Variants in NBEAL1 observed in about 807,000 individuals in gnomAD.
NBEAL1 encodes the protein neurobeachin like 1.
NBEAL1 carries 273 observed loss-of-function variants against 351.3 expected under a neutral mutation model. That is an observed-to-expected ratio of 0.78 (90% CI 0.70 to 0.86). The LOEUF (loss-of-function observed/expected upper bound fraction) is 0.86. Ranked by LOEUF, NBEAL1 falls within the 40% of genes least tolerant of loss-of-function variation. The pLI is 0.00. For missense variants in NBEAL1, 2,961 were observed against 3,201.3 expected, an observed-to-expected ratio of 0.92 and a Z score of 1.81; for synonymous variants, 1,050 against 1,086.4, an observed-to-expected ratio of 0.97 and a Z score of 0.66.
chr2:203,141,914 T>G (rs6751448), intron 31 of NBEAL1, among the ~76,000 whole-genome samples: 71,281 of 151,952 alleles, frequency 0.47, 18,099 homozygotes, highest in Middle Eastern at 0.68. Context: ...TATTAAAAAT[T>G]TTACATAAAA....
chr2:203,199,281 C>G (rs958583669), intron 48 of NBEAL1, 57 bp from the exon 49 acceptor site: 2 of 965,576 alleles, frequency 2.1e-6, no homozygotes, highest in African/African-American at 3.2e-5. Flanking sequence ...TCTGGTTATT[C>G]TGGGCTGCTT....
chr2:203,151,587 TG>T lies in NBEAL1; in HGVS notation c.5587+1del. The T allele has an allele frequency of 6.3e-7, 1 of 1,598,436 alleles. No homozygotes were observed. Among genetic ancestry groups the T allele is most frequent in the South Asian group, 1.1e-5 (1 of 87,514 alleles). On this transcript the variant is annotated frameshift_variant and splice_region_variant, in exon 35 of 56. Coordinates refer to ENST00000683969, the MANE Select transcript of NBEAL1 (RefSeq NM_001378026.1). LOFTEE classifies it high-confidence loss of function. ...GAAGCTAGTGCCTTGAGAGATAATC[TG>T]GGTGAGTTCCAATGACTGTTTAATT... ...HEEASALRDN[L>X]GIQHSQPSSD...
At chr2:203,020,985 A>G (rs1270785407) in intron 2 of NBEAL1, among the ~76,000 whole-genome samples, 1 of 152,098 alleles carries the variant, frequency 6.6e-6, no homozygotes, top group East Asian at 1.9e-4. Flanking sequence ...CAGTGGCCCA[A>G]TCTCAGCTCA....
At chr2:203,103,904 G>A (rs182127275) in intron 12 of NBEAL1, among the ~76,000 whole-genome samples, 21 of 152,278 alleles carry the variant, frequency 1.4e-4, no homozygotes, top group South Asian at 4.1e-4. Flanking sequence ...TCATGTAAGC[G>A]TGTGGTTTTG....
chr2:203,144,963 TG>T (rs1383393068), intron 32 of NBEAL1, 47 bp from the exon 33 acceptor site: 1 of 1,505,552 alleles, frequency 6.6e-7, no homozygotes, highest in Non-Finnish European at 8.9e-7. Flanking sequence ...TTTATAGAGG[TG>T]AAGTCATATA....
At position 203,107,877 on chromosome 2, in the gene NBEAL1, C is replaced by T. The variant is rs989622445; in HGVS notation, c.1638C>T (p.Ser546=). 6.4e-7 allele frequency: 1 copy of T among 1,554,058 alleles called. No homozygotes were observed. Among genetic ancestry groups the T allele is most frequent in the Non-Finnish European group, 8.7e-7 (1 of 1,147,702 alleles). Residue 546 remains serine (S), a synonymous_variant, in exon 14 of 56, where the codon TCC becomes TCT. Transcript: ENST00000683969. ...AGAACTTGATTGCAATCCATGGTTCCTTGGGGAGTCAGTCAGTGAGCTCAG... is the reference window on the plus strand; with the variant it reads ...AGAACTTGATTGCAATCCATGGTTCTTTGGGGAGTCAGTCAGTGAGCTCAG... The part of the protein sequence containing the change: ...CAENLIAIHG[S]LGSQSVSSEE...
intron 33 of NBEAL1, among the ~76,000 whole-genome samples, chr2:203,145,716 T>C (rs2063493667): frequency 6.7e-6 from 1 of 149,290 alleles, no homozygotes; most frequent in Non-Finnish European, 1.5e-5. Context: ...AAGGATTGCT[T>C]GAACCTGGGA....
intron 24 of NBEAL1, among the ~76,000 whole-genome samples, chr2:203,128,471 C>T (rs183592877): frequency 1.3e-5 from 2 of 151,972 alleles, no homozygotes; most frequent in African/African-American, 4.8e-5. Flanking sequence ...ATTTAATATT[C>T]CAATTAGCTA....
intron 53 of NBEAL1, among the ~76,000 whole-genome samples, chr2:203,209,903 C>T (rs1297928936): frequency 6.6e-6 from 1 of 152,016 alleles, no homozygotes; most frequent in East Asian, 1.9e-4. Flanking sequence ...CATGTGCCAC[C>T]ACACCTGGCT....
At position 203,221,708 on chromosome 2, in the gene NBEAL1, G is replaced by A. The variant is rs573323786; in HGVS notation, c.*4354G>A. ...TCTCAATATTCTTTTTGCTGAATTC[G>A]TATATTGTATATGCTCAACATATTA... On this transcript the variant is annotated 3_prime_UTR_variant, in exon 56 of 56. Transcript: ENST00000683969. 6.6e-6 allele frequency among the ~76,000 whole-genome samples: 1 copy of A among 152,060 alleles called. No individual in the cohort carries two copies. The highest frequency in any genetic ancestry group is 1.5e-5 in the Non-Finnish European group (1 of 68,016).
At chr2:203,032,521 G>A (rs530551275) in intron 2 of NBEAL1, among the ~76,000 whole-genome samples, 5 of 151,606 alleles carry the variant, frequency 3.3e-5, no homozygotes, top group East Asian at 2.0e-4. Flanking sequence ...TTAGCCGGGC[G>A]TGGTGTCGGG....
chr2:203,027,911 G>A (rs185575138), intron 2 of NBEAL1, among the ~76,000 whole-genome samples: 113 of 151,492 alleles, frequency 7.5e-4, no homozygotes, highest in Middle Eastern at 3.4e-3. Flanking sequence ...TTTAAATGGA[G>A]TCTCGCTCTG....
chr2:203,206,835 C>T (rs11674841), intron 51 of NBEAL1, among the ~76,000 whole-genome samples: 72,890 of 149,250 alleles, frequency 0.49, 18,579 homozygotes, highest in Middle Eastern at 0.68. Flanking sequence ...TCTGCCCGGC[C>T]GCCACCCCGT....
intron 46 of NBEAL1, chr2:203,191,274 TTA>T (rs1486760722): frequency 8.1e-7 from 1 of 1,227,058 alleles, no homozygotes; most frequent in African/African-American, 1.5e-5. Flanking sequence ...GCCCAGCCAG[TTA>T]AGCACAAAGG....
intron 35 of NBEAL1, among the ~76,000 whole-genome samples, 157 bp from the exon 36 acceptor site, chr2:203,157,542 C>T (rs988341058): frequency 6.6e-5 from 10 of 151,968 alleles, no homozygotes; most frequent in Admixed American, 6.6e-4. Flanking sequence ...CGCCATCAAA[C>T]GTGAAGGATT....
chr2:203,154,821 A>G (rs2106363725), intron 35 of NBEAL1, among the ~76,000 whole-genome samples: 1 of 150,224 alleles, frequency 6.7e-6, no homozygotes, highest in African/African-American at 2.4e-5. Flanking sequence ...ACATACTTGT[A>G]GTTGGAGCTA....
chr2:203,140,465 CTT>C (rs1046436137), intron 31 of NBEAL1, among the ~76,000 whole-genome samples: 4 of 151,464 alleles, frequency 2.6e-5, no homozygotes, highest in African/African-American at 9.7e-5. Context: ...TGTGTTTTTT[CTT>C]TTTCTTACTA....
At position 203,110,263 on chromosome 2, in the gene NBEAL1, GT is replaced by G. The variant is rs1348559291; in HGVS notation, c.2066del (p.Phe689SerfsTer9). ...GCAACGGTTATGCTTCCTGACCACA[GT>G]TTCTGTGATTCCCTCTGGGTAAGGC... ...EYATVMLPDH[S>X]FCDSLWHNIT... On this transcript the variant is annotated frameshift_variant, in exon 15 of 56. Coordinates refer to ENST00000683969, the MANE Select transcript of NBEAL1 (RefSeq NM_001378026.1). LOFTEE classifies it high-confidence loss of function. 6.1e-5 allele frequency: 94 copies of G among 1,552,174 alleles called. No individual in the cohort carries two copies. The highest frequency in any genetic ancestry group is 7.8e-5 in the Non-Finnish European group (90 of 1,147,052).
At chr2:203,148,440 A>C (rs2063564126) in intron 33 of NBEAL1, among the ~76,000 whole-genome samples, 1 of 152,108 alleles carries the variant, frequency 6.6e-6, no homozygotes, top group South Asian at 2.1e-4. Context: ...AATGTAATTC[A>C]GTGCTGGTTT....
Sources: allele counts gnomAD v4.1 joint callset (sites outside exome capture counted in the v4.1 genomes callset), GRCh38; gene constraint gnomAD v4.1.1; transcripts MANE v1.5; gene names NCBI Gene and HGNC (gene_info 2026-07-23, HGNC 2026-07-21).